FAM178B: variants seen among roughly 807,000 people sequenced by gnomAD.
FAM178B encodes the protein family with sequence similarity 178 member B, also known as protein FAM178B.
A neutral mutation model predicts 91.7 loss-of-function variants in FAM178B; 82 were observed. The ratio of observed to expected loss-of-function variants is 0.89; its 90% CI spans 0.75 to 1.07. FAM178B has a LOEUF of 1.07. Ranked by LOEUF, FAM178B falls within the 50% of genes least tolerant of loss-of-function variation. The pLI is 0.00. For missense variants in FAM178B, 769 were observed against 846.7 expected (o/e 0.91, Z 1.14); for synonymous variants, 368 against 359.4 (o/e 1.02, Z -0.27).
At chr2:96,901,725 G>A (rs1203210871) in intron 13 of FAM178B, among the ~76,000 whole-genome samples, 3 of 152,060 alleles carry the variant, frequency 2.0e-5, no homozygotes, top group Non-Finnish European at 4.4e-5. Flanking sequence ...GATGGATGGT[G>A]GTGATGGCTG....
intron 14 of FAM178B, among the ~76,000 whole-genome samples, chr2:96,889,777 A>C (rs1454778729): frequency 6.6e-6 from 1 of 151,930 alleles, no homozygotes; most frequent in Non-Finnish European, 1.5e-5. Flanking sequence ...ATGATAAGGA[A>C]GTGTGGTAAC....
intron 7 of FAM178B, among the ~76,000 whole-genome samples, chr2:96,949,003 TCTC>T (rs1420341633): frequency 6.6e-6 from 1 of 152,148 alleles, no homozygotes; most frequent in Non-Finnish European, 1.5e-5. Flanking sequence ...ACTCTGCCTT[TCTC>T]CTCCTGTTGT....
chr2:96,935,176 AAAC>A lies in FAM178B; in HGVS notation c.1079-5859_1079-5857del, dbSNP rs879644120. ...TGGAACAAAATTAAAACAAACAAACAAACAAAAACAAAAACAAAAGAAAAAAAC... is the reference window on the plus strand; with the variant it reads ...TGGAACAAAATTAAAACAAACAAACAAAAAACAAAAACAAAAGAAAAAAAC... On this transcript the variant is annotated intron_variant, in intron 8 of 16. Coordinates refer to ENST00000490605, the MANE Select transcript of FAM178B (RefSeq NM_001122646.3). Among the ~76,000 whole-genome samples the A allele has an allele frequency of 3.6e-3, 551 of 151,930 alleles. 3 individuals carry two copies. Among genetic ancestry groups the A allele is most frequent in the African/African-American group, 0.013 (537 of 41,286 alleles).
chr2:96,919,159 C>T (rs1340990882), intron 12 of FAM178B, among the ~76,000 whole-genome samples: 1 of 152,146 alleles, frequency 6.6e-6, no homozygotes, highest in Non-Finnish European at 1.5e-5. Flanking sequence ...ACTACAGTGG[C>T]ACACACACTA....
intron 13 of FAM178B, among the ~76,000 whole-genome samples, chr2:96,897,180 C>T (rs1374419442): frequency 6.6e-6 from 1 of 152,110 alleles, no homozygotes. Context: ...TTGCAATTTA[C>T]TTGCTTTTTA....
chr2:96,958,291 C>T (rs973855270), intron 6 of FAM178B, among the ~76,000 whole-genome samples: 5 of 152,088 alleles, frequency 3.3e-5, no homozygotes, highest in Non-Finnish European at 5.9e-5. Flanking sequence ...AGGATGGTCT[C>T]GATCTCCTGA....
intron 8 of FAM178B, among the ~76,000 whole-genome samples, chr2:96,930,600 G>A (rs1046601688): frequency 6.6e-6 from 1 of 152,228 alleles, no homozygotes; most frequent in Non-Finnish European, 1.5e-5. Context: ...CAGGCCCCAT[G>A]CCTAAAAACG....
chr2:96,894,007 A>G lies in FAM178B; in HGVS notation c.1695T>C (p.Ser565=), dbSNP rs2080747599. ...SRLLGLMRPS[S]LRQYLDSVPL... ...GCACAGAGTCCAGGTATTGCCTGAG[A>G]GATGATGGCCTCATGAGGCCCAGGA... is the stretch of plus-strand genomic sequence containing the variant. Residue 565 remains serine (S), a synonymous_variant, in exon 14 of 17, where the codon TCT becomes TCC. Coordinates refer to ENST00000490605, the MANE Select transcript of FAM178B (RefSeq NM_001122646.3). 3 of 1,612,444 alleles carry G rather than the reference A, an allele frequency of 1.9e-6. No homozygotes were observed. The highest frequency in any genetic ancestry group is 2.5e-6 in the Non-Finnish European group (3 of 1,179,584).
At chr2:96,894,969 T>A in intron 13 of FAM178B, 15 of 1,001,254 alleles carry the variant, frequency 1.5e-5, no homozygotes, top group Non-Finnish European at 2.0e-5. Flanking sequence ...CCACCCTCCC[T>A]TGCATCCCTC....
chr2:96,978,412 C>T (rs2082319309), intron 1 of FAM178B, among the ~76,000 whole-genome samples: 1 of 152,144 alleles, frequency 6.6e-6, no homozygotes, highest in African/African-American at 2.4e-5. Context: ...ACATTATACT[C>T]AACAGGTAAT....
At chr2:96,942,045 T>C (rs1354087987) in intron 8 of FAM178B, among the ~76,000 whole-genome samples, 2 of 152,222 alleles carry the variant, frequency 1.3e-5, no homozygotes, top group Non-Finnish European at 2.9e-5. Flanking sequence ...TATACAAATC[T>C]GTATTTCTAC....
chr2:96,907,172 C>T (rs916306417), intron 12 of FAM178B, among the ~76,000 whole-genome samples: 3 of 152,184 alleles, frequency 2.0e-5, no homozygotes, highest in African/African-American at 4.8e-5. Context: ...CTGCCCACTG[C>T]CTTTCATCCT....
chr2:96,907,111 T>C (rs968048474), intron 12 of FAM178B, among the ~76,000 whole-genome samples: 5 of 152,068 alleles, frequency 3.3e-5, no homozygotes, highest in Admixed American at 1.3e-4. Flanking sequence ...AGAGGGTGCA[T>C]GGATGAAAAG....
At chr2:96,908,060 A>AC (rs2081087958) in intron 12 of FAM178B, among the ~76,000 whole-genome samples, 1 of 151,904 alleles carries the variant, frequency 6.6e-6, no homozygotes, top group African/African-American at 2.4e-5. Flanking sequence ...CCTGCTCGGC[A>AC]CTCCTTCCCT....
intron 14 of FAM178B, among the ~76,000 whole-genome samples, chr2:96,886,943 G>A (rs892609015): frequency 1.1e-4 from 16 of 152,198 alleles, no homozygotes; most frequent in East Asian, 1.9e-4. Flanking sequence ...GGCCGGGCGC[G>A]GTGGCTCACG....
intron 8 of FAM178B, among the ~76,000 whole-genome samples, chr2:96,938,584 G>A (rs1005066658): frequency 3.3e-5 from 5 of 152,180 alleles, no homozygotes; most frequent in African/African-American, 1.2e-4. Context: ...CTGTCCACCG[G>A]GAGACGCAGT....
At chr2:96,889,677 C>CAAATAAAT (rs371885604) in intron 14 of FAM178B, among the ~76,000 whole-genome samples, 10,671 of 126,398 alleles carry the variant, frequency 0.084, 513 homozygotes, top group Middle Eastern at 0.13. Flanking sequence ...GACTCTGTCT[C>CAAATAAAT]AAATAAATAA....
In FAM178B at chr2:96,972,066, C is replaced by G. The variant is rs2082227649; in HGVS notation, c.399G>C (p.Arg133Ser). The G allele has an allele frequency of 1.3e-6, 2 of 1,545,368 alleles. No homozygotes were observed. The highest frequency in any genetic ancestry group is 1.2e-5 in the South Asian group (1 of 83,004). The change falls in exon 3 of 17, where the codon AGG becomes AGC. Residue 133 changes from arginine (R) to serine (S), a missense_variant. Arg to Ser is a moderately radical substitution (Grantham distance 110). Coordinates refer to ENST00000490605, the MANE Select transcript of FAM178B (RefSeq NM_001122646.3). ...CCTGGGGGCCCACCACACCCACCCA[C>G]CTCTGGGCCGGGGCCTCCCGACTGG... ...LQASREAPAQ[R>S]WVGVVGPQGL...
intron 11 of FAM178B, 101 bp from the exon 12 acceptor site, chr2:96,921,363 T>G: frequency 1.3e-6 from 2 of 1,504,668 alleles, no homozygotes. Context: ...GTCACGGAGA[T>G]CAGGGACATT....
Sources: gnomAD v4.1 joint callset for allele counts (sites outside exome capture counted in the v4.1 genomes callset) on GRCh38, gnomAD v4.1.1 for gene constraint, MANE v1.5 for transcripts, NCBI Gene and HGNC (gene_info 2026-07-23, HGNC 2026-07-21) for gene names.